The following TTC39B variants were observed in gnomAD, a reference collection of about 807,000 sequenced individuals.
The protein encoded by TTC39B is tetratricopeptide repeat protein 39B.
TTC39B carries 92 observed loss-of-function variants against 96.6 expected under a neutral mutation model. That is an observed-to-expected ratio of 0.95 (90% CI 0.80 to 1.13). The LOEUF (loss-of-function observed/expected upper bound fraction) is 1.13, where lower values mean the gene tolerates loss of function less well. Ranked by LOEUF, TTC39B falls within the 50% of genes most tolerant of loss-of-function variation. TTC39B has a pLI of 0.00. For synonymous variants in TTC39B, 367 were observed against 299.4 expected (o/e 1.23, Z -2.33); for missense variants, 955 against 809.3 (o/e 1.18, Z -2.18).
chr9:15,202,732 CAAAA>C (rs1174910569), intron 7 of TTC39B, among the ~76,000 whole-genome samples: 1 of 130,280 alleles, frequency 7.7e-6, no homozygotes, highest in Non-Finnish European at 1.7e-5. Context: ...CCTCCCCCAC[CAAAA>C]AAAAAAAAAA....
chr9:15,300,332 C>A (rs187042629), intron 1 of TTC39B, among the ~76,000 whole-genome samples: 1 of 152,260 alleles, frequency 6.6e-6, no homozygotes, highest in Admixed American at 6.5e-5. Context: ...AATGGCTCCT[C>A]CCTCACTGCA....
chr9:15,233,323 C>T (rs1821536982), intron 2 of TTC39B, among the ~76,000 whole-genome samples: 1 of 147,700 alleles, frequency 6.8e-6, no homozygotes, highest in African/African-American at 2.7e-5. Flanking sequence ...GAGAAGAAAA[C>T]CTCGCCCTCT....
At chr9:15,198,457 CAA>C (rs767835557) in intron 8 of TTC39B, among the ~76,000 whole-genome samples, 1 of 71,214 alleles carries the variant, frequency 1.4e-5, no homozygotes, top group African/African-American at 4.2e-5. Flanking sequence ...GTCTCGGTCG[CAA>C]AAATATATAT....
intron 19 of TTC39B, 144 bp from the exon 20 acceptor site, chr9:15,172,253 T>G: frequency 4.2e-6 from 2 of 479,590 alleles, no homozygotes; most frequent in East Asian, 3.6e-5. Flanking sequence ...ATGCAGATTC[T>G]GGTTCTGTTG....
At chr9:15,243,127 A>C (rs1822118360) in intron 2 of TTC39B, among the ~76,000 whole-genome samples, 1 of 152,148 alleles carries the variant, frequency 6.6e-6, no homozygotes, top group Non-Finnish European at 1.5e-5. Context: ...TCTGTACACC[A>C]CCTCTTCCTG....
At chr9:15,214,150 C>T (rs761051314) in exon 4 of TTC39B, 8 of 1,612,760 alleles carry the variant, frequency 5.0e-6, no homozygotes, top group African/African-American at 1.3e-5. Flanking sequence ...AGGGGCGAAG[C>T]AATTCTAAGG....
intron 1 of TTC39B, among the ~76,000 whole-genome samples, chr9:15,277,681 A>C (rs887646855): frequency 6.6e-6 from 1 of 152,218 alleles, no homozygotes; most frequent in Non-Finnish European, 1.5e-5. Flanking sequence ...GCTGGCACAG[A>C]TACCATCCCT....
chr9:15,216,672 A>C (rs1000018578), intron 3 of TTC39B, among the ~76,000 whole-genome samples: 1 of 151,950 alleles, frequency 6.6e-6, no homozygotes, highest in Non-Finnish European at 1.5e-5. Flanking sequence ...GGGTCTATAG[A>C]CCCATTTCTT....
At chr9:15,234,007 T>C (rs1359492076) in intron 2 of TTC39B, among the ~76,000 whole-genome samples, 112 of 137,216 alleles carry the variant, frequency 8.2e-4, no homozygotes, top group Middle Eastern at 4.5e-3. Flanking sequence ...TCTGCCCCGC[T>C]GCCCCGTCTG....
At chr9:15,297,528 C>G (rs546362877) in intron 1 of TTC39B, among the ~76,000 whole-genome samples, 1 of 152,274 alleles carries the variant, frequency 6.6e-6, no homozygotes, top group Non-Finnish European at 1.5e-5. Flanking sequence ...GACACTTGAA[C>G]CCTCTCTAGA....
intron 7 of TTC39B, 94 bp from the exon 8 acceptor site, chr9:15,200,019 C>T: frequency 1.6e-6 from 1 of 613,502 alleles, no homozygotes; most frequent in African/African-American, 1.9e-5. Context: ...AAAACAAAAA[C>T]AAACAAACAA....
intron 2 of TTC39B, chr9:15,232,299 AC>A (rs1454136453): frequency 6.6e-6 from 1 of 152,642 alleles, no homozygotes; most frequent in East Asian, 1.9e-4. Flanking sequence ...TTAGAAGCGA[AC>A]CCAAAAGACC....
At chr9:15,222,742 G>A (rs975996950) in intron 3 of TTC39B, among the ~76,000 whole-genome samples, 20 of 152,064 alleles carry the variant, frequency 1.3e-4, no homozygotes, top group African/African-American at 4.6e-4. Flanking sequence ...TCTATGAAAG[G>A]TTTTCTCTCC....
At chr9:15,213,238 G>T (rs571053421) in intron 4 of TTC39B, among the ~76,000 whole-genome samples, 37 of 152,260 alleles carry the variant, frequency 2.4e-4, no homozygotes, top group Non-Finnish European at 4.0e-4. Context: ...AGGGACAGAG[G>T]AGGACAGAAG....
intron 2 of TTC39B, among the ~76,000 whole-genome samples, chr9:15,228,335 G>A (rs1821239946): frequency 6.6e-6 from 1 of 152,110 alleles, no homozygotes; most frequent in Non-Finnish European, 1.5e-5. Context: ...GTGGTGGTGG[G>A]TGCCTGTAAT....
intron 1 of TTC39B, among the ~76,000 whole-genome samples, chr9:15,278,468 A>T (rs555282751): frequency 6.6e-6 from 1 of 152,330 alleles, no homozygotes; most frequent in Admixed American, 6.5e-5. Context: ...TGGCTGTACA[A>T]TCCACCTTGT....
chr9:15,268,037 G>A, intron 1 of TTC39B, 89 bp from the exon 2 acceptor site: 2 of 1,180,850 alleles, frequency 1.7e-6, no homozygotes, highest in Non-Finnish European at 2.5e-6. Flanking sequence ...TACACGCATT[G>A]GGGAGAGTGG....
chr9:15,238,667 G>T (rs373264046), intron 2 of TTC39B, among the ~76,000 whole-genome samples: 1 of 152,072 alleles, frequency 6.6e-6, no homozygotes, highest in Non-Finnish European at 1.5e-5. Flanking sequence ...CCATGCACAC[G>T]GACTGGAAGA....
At chr9:15,307,051 G>A (rs761375387) in intron 1 of TTC39B, 33 bp downstream of exon 1, 5 of 1,603,976 alleles carry the variant, frequency 3.1e-6, no homozygotes, top group Non-Finnish European at 4.3e-6. Flanking sequence ...CAGGGCTTCA[G>A]GGGCCGGGCC....
Sources: allele counts gnomAD v4.1 joint callset (sites outside exome capture counted in the v4.1 genomes callset), GRCh38; gene constraint gnomAD v4.1.1; transcripts MANE v1.5; gene names NCBI Gene and HGNC (gene_info 2026-07-23, HGNC 2026-07-21).